FHIT: variants seen among roughly 807,000 people sequenced by gnomAD.
FHIT encodes the protein bis(5'-adenosyl)-triphosphatase.
Under a neutral mutation model 17.9 loss-of-function variants are expected in FHIT, and 19 were observed. That is an observed-to-expected ratio of 1.06 (90% CI 0.74 to 1.56). The LOEUF (loss-of-function observed/expected upper bound fraction) is 1.56, where lower values mean the gene tolerates loss of function less well. Ranked by LOEUF, FHIT falls within the 40% of genes most tolerant of loss-of-function variation. FHIT has a pLI of 0.00. For missense variants in FHIT, 248 were observed against 189.2 expected, an observed-to-expected ratio of 1.31 and a Z score of -1.82; for synonymous variants, 81 against 69.7, an observed-to-expected ratio of 1.16 and a Z score of -0.81.
rs115329102 is a variant in FHIT at position 60,134,514 on chromosome 3, A to C, written c.104-120362T>G. ...CAAAACTTCATAGGTTTATACCTAC[A>C]TAGGTCATAGATTGTGAATGACACA... On this transcript the variant is annotated intron_variant, in intron 5 of 9. Transcript: ENST00000492590. Among the ~76,000 whole-genome samples the C allele has an allele frequency of 2.4e-3, 362 of 152,332 alleles. 2 individuals are homozygous for C. The highest frequency in any genetic ancestry group is 8.3e-3 in the African/African-American group (346 of 41,592).
intron 5 of FHIT, among the ~76,000 whole-genome samples, chr3:60,510,723 C>A (rs1334028983): frequency 1.3e-5 from 2 of 152,188 alleles, no homozygotes; most frequent in Non-Finnish European, 2.9e-5. Flanking sequence ...CCTCCCCCCA[C>A]ACACACAATA....
chr3:59,846,056 T>C (rs973748348), intron 8 of FHIT, among the ~76,000 whole-genome samples: 1 of 152,140 alleles, frequency 6.6e-6, no homozygotes, highest in Non-Finnish European at 1.5e-5. Flanking sequence ...CTCTGTCTAT[T>C]GACTAGGCTG....
chr3:60,509,101 T>C (rs2034846774), intron 5 of FHIT, among the ~76,000 whole-genome samples: 2 of 152,102 alleles, frequency 1.3e-5, no homozygotes, highest in Non-Finnish European at 2.9e-5. Context: ...TGGTAGGCTA[T>C]CAAATAAAAC....
chr3:60,514,984 T>A (rs1196733600), intron 5 of FHIT, among the ~76,000 whole-genome samples: 2 of 151,484 alleles, frequency 1.3e-5, no homozygotes, highest in African/African-American at 4.9e-5. Flanking sequence ...GAGGCCACCT[T>A]ACTAGATAAA....
intron 5 of FHIT, among the ~76,000 whole-genome samples, chr3:60,470,283 G>A (rs1170427604): frequency 6.6e-6 from 1 of 152,102 alleles, no homozygotes; most frequent in East Asian, 1.9e-4. Flanking sequence ...CCAGGCTTGT[G>A]TCCTTCCCTT....
chr3:60,968,119 C>T (rs964689495), intron 3 of FHIT, among the ~76,000 whole-genome samples: 10 of 152,172 alleles, frequency 6.6e-5, no homozygotes, highest in South Asian at 4.1e-4. Flanking sequence ...AATGGCAGCC[C>T]GAGTTGAGAG....
intron 4 of FHIT, among the ~76,000 whole-genome samples, chr3:60,556,454 C>A (rs2036742030): frequency 6.6e-6 from 1 of 152,158 alleles, no homozygotes; most frequent in Non-Finnish European, 1.5e-5. Context: ...AGCCTTGCAC[C>A]AATGAGGACA....
chr3:60,803,331 T>C (rs1164488263), intron 4 of FHIT, among the ~76,000 whole-genome samples: 1 of 152,164 alleles, frequency 6.6e-6, no homozygotes, highest in Non-Finnish European at 1.5e-5. Flanking sequence ...TGTGCATTAG[T>C]GCATTGGTAG....
At chr3:59,775,431 C>G (rs1268683582) in intron 8 of FHIT, among the ~76,000 whole-genome samples, 1 of 152,164 alleles carries the variant, frequency 6.6e-6, no homozygotes, top group African/African-American at 2.4e-5. Context: ...ATTGGTTCTC[C>G]TGTGCATTTT....
chr3:60,068,587 G>A (rs929579548), intron 5 of FHIT, among the ~76,000 whole-genome samples: 1 of 152,170 alleles, frequency 6.6e-6, no homozygotes, highest in Non-Finnish European at 1.5e-5. Flanking sequence ...TAGGCCCATA[G>A]TGCTCCCTAG....
At chr3:60,855,126 T>A (rs1553749586) in intron 3 of FHIT, among the ~76,000 whole-genome samples, 1 of 152,142 alleles carries the variant, frequency 6.6e-6, no homozygotes, top group Non-Finnish European at 1.5e-5. Flanking sequence ...TTAATCCAAA[T>A]GTGACAAAAT....
chr3:60,071,578 A>G (rs1230145551), intron 5 of FHIT, among the ~76,000 whole-genome samples: 1 of 152,134 alleles, frequency 6.6e-6, no homozygotes, highest in Non-Finnish European at 1.5e-5. Context: ...TGCAGCTTGT[A>G]TAGCATCTCT....
intron 8 of FHIT, among the ~76,000 whole-genome samples, chr3:59,868,220 C>T (rs540482892): frequency 1.4e-4 from 22 of 152,050 alleles, no homozygotes; most frequent in Non-Finnish European, 2.9e-4. Flanking sequence ...AAATGCCAGT[C>T]CTCTCTACAA....
intron 4 of FHIT, among the ~76,000 whole-genome samples, chr3:60,605,006 CTCA>C (rs2038565021): frequency 6.6e-6 from 1 of 152,142 alleles, no homozygotes; most frequent in African/African-American, 2.4e-5. Context: ...TGTGATTTCT[CTCA>C]TGTCTAAACC....
chr3:60,298,437 C>G (rs989345113), intron 5 of FHIT, among the ~76,000 whole-genome samples: 1 of 152,040 alleles, frequency 6.6e-6, no homozygotes. Context: ...AATTGTGCAC[C>G]CGGAACCAGG....
chr3:59,872,635 T>A (rs689364), intron 8 of FHIT, among the ~76,000 whole-genome samples: 146,145 of 152,012 alleles, frequency 0.96, 70,348 homozygotes, highest in East Asian at 1. Flanking sequence ...TATAGTTTTT[T>A]AAAAAAAGAA....
At chr3:60,327,757 G>A (rs1361061605) in intron 5 of FHIT, among the ~76,000 whole-genome samples, 1 of 152,136 alleles carries the variant, frequency 6.6e-6, no homozygotes, top group Admixed American at 6.5e-5. Context: ...GACTGGAGAT[G>A]GTCTCTGCTG....
intron 8 of FHIT, among the ~76,000 whole-genome samples, chr3:59,871,923 T>C (rs1238562714): frequency 6.6e-6 from 1 of 152,178 alleles, no homozygotes; most frequent in Non-Finnish European, 1.5e-5. Flanking sequence ...GTGATACGTG[T>C]TACAGAGATA....
intron 2 of FHIT, among the ~76,000 whole-genome samples, chr3:61,065,788 C>T (rs887194157): frequency 6.6e-6 from 1 of 151,806 alleles, no homozygotes; most frequent in African/African-American, 2.4e-5. Flanking sequence ...CTTGAATATA[C>T]AAGCTTTTAT....
Sources: allele counts gnomAD v4.1 joint callset (sites outside exome capture counted in the v4.1 genomes callset), GRCh38; gene constraint gnomAD v4.1.1; transcripts MANE v1.5; gene names NCBI Gene and HGNC (gene_info 2026-07-23, HGNC 2026-07-21).